Variants in CBX1 observed in about 807,000 individuals in gnomAD.
The protein encoded by CBX1 is chromobox 1, also known as chromobox protein homolog 1.
CBX1 carries 10 observed loss-of-function variants against 25.1 expected under a neutral mutation model. That is an observed-to-expected ratio of 0.40 (90% CI 0.25 to 0.68). The LOEUF (loss-of-function observed/expected upper bound fraction) is 0.68, where lower values mean the gene tolerates loss of function less well. CBX1 is among the 30% of genes least tolerant of loss of function. The pLI, the probability that CBX1 is intolerant of heterozygous loss-of-function variation, is 0.40. For missense variants in CBX1, 106 were observed against 218.5 expected, an observed-to-expected ratio of 0.49 and a Z score of 3.25; for synonymous variants, 63 against 79.4, an observed-to-expected ratio of 0.79 and a Z score of 1.10.
chr17:48,096,397 A>G (rs1041390483), intron 1 of CBX1: 4 of 983,654 alleles, frequency 4.1e-6, no homozygotes, highest in Non-Finnish European at 4.8e-6. Context: ...ACCTCAAGCT[A>G]TCTTTCAAAG....
intron 1 of CBX1, among the ~76,000 whole-genome samples, chr17:48,087,300 G>T (rs2063317701): frequency 6.6e-6 from 1 of 152,192 alleles, no homozygotes; most frequent in East Asian, 1.9e-4. Flanking sequence ...TGCCTGCCTG[G>T]GTGTGATAGC....
chr17:48,101,100 G>T (rs1262773498), intron 1 of CBX1, 168 bp downstream of exon 1: 2 of 986,170 alleles, frequency 2.0e-6, no homozygotes, highest in South Asian at 4.5e-5. Context: ...ACGCCTCAGC[G>T]ACAGGCGAAG....
chr17:48,093,086 A>G (rs1488667203), intron 1 of CBX1, among the ~76,000 whole-genome samples: 5 of 78,692 alleles, frequency 6.4e-5, no homozygotes, highest in African/African-American at 1.5e-4. Flanking sequence ...AAAAAAAAAA[A>G]AAAGAAAAGA....
At chr17:48,084,801 T>TTG (rs2063302695) in intron 1 of CBX1, among the ~76,000 whole-genome samples, 1 of 149,694 alleles carries the variant, frequency 6.7e-6, no homozygotes, top group South Asian at 2.1e-4. Flanking sequence ...TCCCAGCTAC[T>TTG]TGGGAGGCTG....
Position 48,076,183 on chromosome 17 carries a change from A to C in CBX1, c.141-5T>G. 1 of 1,553,034 alleles carries C rather than the reference A, an allele frequency of 6.4e-7. No homozygotes were observed. Among genetic ancestry groups the C allele is most frequent in the Non-Finnish European group, 8.8e-7 (1 of 1,139,860 alleles). On this transcript the variant is annotated splice_polypyrimidine_tract_variant and splice_region_variant and intron_variant, in intron 2 of 4. Coordinates refer to ENST00000225603, the MANE Select transcript of CBX1 (RefSeq NM_001127228.2). ...GGCTCCCATGTGTTGTCCTCACTGA[A>C]ACCAGAGGGCACAGCAAGTCACACT...
chr17:48,080,730 G>C (rs1418278500), intron 1 of CBX1, among the ~76,000 whole-genome samples: 4 of 150,618 alleles, frequency 2.7e-5, no homozygotes, highest in African/African-American at 7.3e-5. Context: ...AGACCAGCTT[G>C]GCCAATATGG....
rs185422342 is a variant in CBX1, at chr17:48,075,258, G to A, written c.319-158C>T. Reference sequence around the variant, plus strand: ...CGCCCAGGCTGGAGTGCAGTGGTGCGATCTCGGCTCACTGCAGCCTCTGCC... The same window carrying A: ...CGCCCAGGCTGGAGTGCAGTGGTGCAATCTCGGCTCACTGCAGCCTCTGCC... On this transcript the variant is annotated intron_variant, in intron 3 of 4. Transcript: ENST00000225603. 4.8e-3 allele frequency among the ~76,000 whole-genome samples: 719 copies of A among 150,882 alleles called. 3 individuals are homozygous for A. Among genetic ancestry groups the A allele is most frequent in the African/African-American group, 0.016 (674 of 41,046 alleles).
chr17:48,095,394 A>T lies in CBX1; in HGVS notation c.-38+5874T>A, dbSNP rs576455965. On this transcript the variant is annotated intron_variant, in intron 1 of 4. Coordinates refer to ENST00000225603, the MANE Select transcript of CBX1 (RefSeq NM_001127228.2). ...CTCCTGAGGTTGGGAGTTCGAGACC[A>T]GCCTGACCAACATGGAGAAACCCCA... Among the ~76,000 whole-genome samples, 98 of 152,162 alleles carry T rather than the reference A, an allele frequency of 6.4e-4. 1 individual carries two copies. In the South Asian group the frequency reaches 9.5e-3, roughly 15 times the overall value.
At chr17:48,091,019 A>T (rs1041684399) in intron 1 of CBX1, among the ~76,000 whole-genome samples, 2 of 152,262 alleles carry the variant, frequency 1.3e-5, no homozygotes, top group Admixed American at 1.3e-4. Context: ...TAAATGTTAC[A>T]AAGCAAATTT....
At chr17:48,097,409 G>A (rs1377424268) in intron 1 of CBX1, among the ~76,000 whole-genome samples, 2 of 152,060 alleles carry the variant, frequency 1.3e-5, no homozygotes, top group Non-Finnish European at 2.9e-5. Flanking sequence ...GAGGTCAGGA[G>A]TTCAACACCA....
At chr17:48,083,989 T>G (rs1386177930) in intron 1 of CBX1, among the ~76,000 whole-genome samples, 1 of 150,272 alleles carries the variant, frequency 6.7e-6, no homozygotes, top group Non-Finnish European at 1.5e-5. Context: ...CTTTACTCAT[T>G]TATTTAAAAA....
At chr17:48,086,350 G>A (rs1221742614) in intron 1 of CBX1, among the ~76,000 whole-genome samples, 2 of 152,176 alleles carry the variant, frequency 1.3e-5, no homozygotes, top group Non-Finnish European at 2.9e-5. Flanking sequence ...CTGTGAAAGG[G>A]TACGAGAAGG....
rs1335466861 is a variant in CBX1 at position 48,080,987 on chromosome 17, TATATATAA to T, written c.-37-3954_-37-3947del. Among the ~76,000 whole-genome samples the T allele has an allele frequency of 2.3e-3, 163 of 69,944 alleles. 1 individual carries two copies. Among genetic ancestry groups the T allele is most frequent in the African/African-American group, 5.7e-3 (73 of 12,920 alleles). The allele number at this position is 69,944 out of a possible 152,430, so 45.9% of individuals were successfully genotyped here. On this transcript the variant is annotated intron_variant, in intron 1 of 4. Coordinates refer to ENST00000225603, the MANE Select transcript of CBX1 (RefSeq NM_001127228.2). ...ATATATATATATATATATATATATA[TATATATAA>T]AATTTGTCTTAGAAAAATAAATAGC...
At chr17:48,079,514 G>C (rs2037711480) in intron 1 of CBX1, among the ~76,000 whole-genome samples, 1 of 151,804 alleles carries the variant, frequency 6.6e-6, no homozygotes, top group African/African-American at 2.4e-5. Context: ...TCTTTTTTGA[G>C]ACAGTGTCTC....
chr17:48,077,024 G>T lies in CBX1; in HGVS notation c.-20C>A. The stretch of plus-strand genomic sequence containing the variant: ...CCCCATAGTGCCCGCCAGCTTTCTG[G>T]TGTAAAGGGTGACGCTGCTAAAATG... On this transcript the variant is annotated 5_prime_UTR_variant, in exon 2 of 5. Coordinates refer to ENST00000225603, the MANE Select transcript of CBX1 (RefSeq NM_001127228.2). 1 of 1,607,726 alleles carries T rather than the reference G, an allele frequency of 6.2e-7. No individual in the cohort carries two copies. Among genetic ancestry groups the T allele is most frequent in the Non-Finnish European group, 8.5e-7 (1 of 1,177,372 alleles).
intron 1 of CBX1, among the ~76,000 whole-genome samples, chr17:48,083,767 T>C (rs1171012032): frequency 6.7e-6 from 1 of 149,882 alleles, no homozygotes; most frequent in Non-Finnish European, 1.5e-5. Flanking sequence ...GAGGTTACAG[T>C]GAGCCGAGAT....
intron 1 of CBX1, among the ~76,000 whole-genome samples, chr17:48,084,299 C>A (rs1387620039): frequency 7.1e-6 from 1 of 141,640 alleles, no homozygotes. Context: ...ACTGAACCTC[C>A]GCCTCCAGAG....
chr17:48,073,440 C>G (rs1418555948), intron 4 of CBX1, among the ~76,000 whole-genome samples: 1 of 152,174 alleles, frequency 6.6e-6, no homozygotes, highest in Non-Finnish European at 1.5e-5. Flanking sequence ...ATATTTACTA[C>G]TTTTAGAAAT....
intron 1 of CBX1, among the ~76,000 whole-genome samples, chr17:48,089,777 C>T (rs997707491): frequency 6.7e-6 from 1 of 150,238 alleles, no homozygotes; most frequent in Non-Finnish European, 1.5e-5. Flanking sequence ...GGGCCGAGAT[C>T]GTGTCACTGC....
Sources: gnomAD v4.1 joint callset for allele counts (sites outside exome capture counted in the v4.1 genomes callset) on GRCh38, gnomAD v4.1.1 for gene constraint, MANE v1.5 for transcripts, NCBI Gene and HGNC (gene_info 2026-07-23, HGNC 2026-07-21) for gene names.